The following PBX3 variants were observed in gnomAD, a reference collection of about 807,000 sequenced individuals.
PBX3 encodes PBX homeobox 3, also known as pre-B-cell leukemia transcription factor 3.
PBX3 carries 14 observed loss-of-function variants against 48.5 expected under a neutral mutation model. That is an observed-to-expected ratio of 0.29 (90% CI 0.19 to 0.45). PBX3 has a LOEUF of 0.45. Ranked by LOEUF, PBX3 falls within the 20% of genes least tolerant of loss-of-function variation. PBX3 has a pLI of 1.00. For missense variants in PBX3, 386 were observed against 546.7 expected (o/e 0.71, Z 2.93); for synonymous variants, 210 against 200.3 (o/e 1.05, Z -0.41).
intron 2 of PBX3, among the ~76,000 whole-genome samples, chr9:125,802,358 C>CCTT (rs1837979478): frequency 4.4e-5 from 1 of 22,542 alleles, no homozygotes; most frequent in Non-Finnish European, 8.1e-5. Context: ...AACATTAGTG[C>CCTT]ATTTTTTTTT....
rs1027896466 is a variant in PBX3, at chr9:125,930,355, TTTCCC to T, written c.707+513_707+517del. ...ACCATTTTTCCTGTAAGGATGAAAA[TTTCCC>T]TTTATCTGAAGCTTTCCCCAAGTTT... is the stretch of plus-strand genomic sequence containing the variant. On this transcript the variant is annotated intron_variant, in intron 4 of 8. Transcript: ENST00000373489. Among the ~76,000 whole-genome samples, 4 of 152,246 alleles carry T rather than the reference TTTCCC, an allele frequency of 2.6e-5. No homozygotes were observed. The East Asian group carries it at 5.8e-4, about 22-fold the overall frequency.
intron 2 of PBX3, among the ~76,000 whole-genome samples, chr9:125,789,643 G>A (rs536806488): frequency 3.3e-5 from 5 of 152,166 alleles, no homozygotes; most frequent in Admixed American, 2.6e-4. Context: ...ATTCTGTTTG[G>A]TAGGGTGAAG....
chr9:125,769,556 C>T (rs1057162038), intron 2 of PBX3, among the ~76,000 whole-genome samples: 2 of 152,162 alleles, frequency 1.3e-5, no homozygotes, highest in Admixed American at 6.5e-5. Context: ...CAGAATATAT[C>T]GTGAAGCCAT....
chr9:125,790,262 T>TTTC (rs1564656100), intron 2 of PBX3, among the ~76,000 whole-genome samples: 54 of 148,952 alleles, frequency 3.6e-4, no homozygotes, highest in Non-Finnish European at 4.0e-4. Context: ...TTCTTTCTTT[T>TTTC]TTTTTTTTTT....
intron 2 of PBX3, among the ~76,000 whole-genome samples, chr9:125,756,983 G>C (rs1445828351): frequency 1.3e-5 from 2 of 152,036 alleles, no homozygotes; most frequent in Admixed American, 6.6e-5. Context: ...ATTGAAAAGG[G>C]AACAAAAAGC....
intron 2 of PBX3, among the ~76,000 whole-genome samples, chr9:125,758,242 T>G (rs1174651315): frequency 1.3e-5 from 2 of 152,218 alleles, no homozygotes; most frequent in Non-Finnish European, 2.9e-5. Context: ...AGGAAATATT[T>G]CTTACTTTCA....
At chr9:125,929,218 C>A (rs1375195302) in intron 3 of PBX3, among the ~76,000 whole-genome samples, 1 of 152,222 alleles carries the variant, frequency 6.6e-6, no homozygotes, top group Non-Finnish European at 1.5e-5. Flanking sequence ...CTGCATCTTG[C>A]TCATTTCTGT....
At chr9:125,880,501 C>A in intron 2 of PBX3, among the ~76,000 whole-genome samples, 1 of 152,198 alleles carries the variant, frequency 6.6e-6, no homozygotes, top group South Asian at 2.1e-4. Flanking sequence ...TCTTCATCAC[C>A]TGGTGCTGCA....
chr9:125,921,182 CT>C (rs1179082975), intron 3 of PBX3, among the ~76,000 whole-genome samples: 1 of 152,182 alleles, frequency 6.6e-6, no homozygotes, highest in Admixed American at 6.5e-5. Flanking sequence ...CATGCCTGGA[CT>C]TTTCCTTGCC....
At chr9:125,879,257 G>C (rs949054458) in intron 2 of PBX3, among the ~76,000 whole-genome samples, 1 of 151,562 alleles carries the variant, frequency 6.6e-6, no homozygotes, top group Non-Finnish European at 1.5e-5. Flanking sequence ...TTTGTATTTT[G>C]TAGTAGAGAT....
rs373063178 is a variant in PBX3, at chr9:125,966,355, C to G, written c.*432C>G. 3.4e-4 allele frequency: 52 copies of G among 154,660 alleles called. No individual in the cohort carries two copies. In the East Asian group the frequency reaches 4.7e-3, roughly 14 times the overall value. 9.6% of individuals were successfully genotyped at this position (154,660 alleles called of 1,614,324 possible). A position where few individuals can be genotyped will look rare whatever the true frequency, so the allele number is the denominator to read the frequency against. ...TATTTCCATTACTGACTTGGATTGT[C>G]TTTCTTTCATATCACTAATGGAGTT... On this transcript the variant is annotated 3_prime_UTR_variant, in exon 9 of 9. Coordinates refer to ENST00000373489, the MANE Select transcript of PBX3 (RefSeq NM_006195.6).
At chr9:125,810,365 AGTGT>A (rs113025234) in intron 2 of PBX3, among the ~76,000 whole-genome samples, 4,100 of 145,452 alleles carry the variant, frequency 0.028, 71 homozygotes, top group Middle Eastern at 0.053. Context: ...AGCAGGAATG[AGTGT>A]GTGTGTGTGT....
rs549965382 is a variant in PBX3 at position 125,966,852 on chromosome 9, C to G, written c.*929C>G. The stretch of plus-strand genomic sequence containing the variant: ...GCTCACTTACTACCTCTGAACAATA[C>G]TCACGCTGTAGTTTGTCTCTTTCTT... On this transcript the variant is annotated 3_prime_UTR_variant, in exon 9 of 9. Transcript: ENST00000373489. 1 of 152,610 alleles carries G rather than the reference C, an allele frequency of 6.6e-6. No individual in the cohort carries two copies. The highest frequency in any genetic ancestry group is 1.5e-5 in the Non-Finnish European group (1 of 68,050). 9.5% of individuals were successfully genotyped at this position (152,610 alleles called of 1,614,324 possible). A position where few individuals can be genotyped will look rare whatever the true frequency, so the allele number is the denominator to read the frequency against.
At chr9:125,940,395 C>T in intron 5 of PBX3, among the ~76,000 whole-genome samples, 1 of 152,136 alleles carries the variant, frequency 6.6e-6, no homozygotes, top group East Asian at 1.9e-4. Flanking sequence ...AAGACTGTTT[C>T]CATTCGTTTA....
intron 2 of PBX3, among the ~76,000 whole-genome samples, chr9:125,904,289 T>C (rs533193214): frequency 6.6e-6 from 1 of 152,000 alleles, no homozygotes; most frequent in Non-Finnish European, 1.5e-5. Context: ...TCCATTCGTC[T>C]AACCTTGCTT....
chr9:125,783,752 A>G (rs1837385221), intron 2 of PBX3, among the ~76,000 whole-genome samples: 1 of 152,016 alleles, frequency 6.6e-6, no homozygotes. Flanking sequence ...TAATCCCAGC[A>G]CTTTGAGAGG....
chr9:125,771,962 CTTG>C (rs1358048643), intron 2 of PBX3, among the ~76,000 whole-genome samples: 1 of 152,036 alleles, frequency 6.6e-6, no homozygotes, highest in Non-Finnish European at 1.5e-5. Flanking sequence ...GACCTGAGTT[CTTG>C]TTGTGTCTGC....
rs565412187 is a variant in PBX3, at chr9:125,940,039, G to A, written c.843+4432G>A. ...TCTACTAAAAATACAAAAAGTAGCC[G>A]AGTGTGATGGTGCATGCATGTAATC... is the stretch of plus-strand genomic sequence containing the variant. On this transcript the variant is annotated intron_variant, in intron 5 of 8. Transcript: ENST00000373489. Among the ~76,000 whole-genome samples the A allele has an allele frequency of 7.9e-5, 12 of 152,220 alleles. No individual in the cohort carries two copies. In the South Asian group the frequency reaches 1.2e-3, roughly 16 times the overall value.
intron 2 of PBX3, among the ~76,000 whole-genome samples, chr9:125,879,305 A>G (rs1053594922): frequency 6.6e-6 from 1 of 151,364 alleles, no homozygotes; most frequent in African/African-American, 2.4e-5. Flanking sequence ...TCTCGATCGA[A>G]CTCCTGACCT....
Sources: gnomAD v4.1 joint callset for allele counts (sites outside exome capture counted in the v4.1 genomes callset) on GRCh38, gnomAD v4.1.1 for gene constraint, MANE v1.5 for transcripts, NCBI Gene and HGNC (gene_info 2026-07-23, HGNC 2026-07-21) for gene names.